The following NBEA variants were observed in gnomAD, a reference collection of about 807,000 sequenced individuals.
The protein encoded by NBEA is lysosomal-trafficking regulator 2.
In NBEA, 44 loss-of-function variants were observed where a neutral mutation model predicts 343.4. The ratio of observed to expected loss-of-function variants is 0.13; its 90% CI spans 0.10 to 0.16. The LOEUF is 0.16. Ranked by LOEUF, NBEA falls within the 10% of genes least tolerant of loss-of-function variation. The pLI is 1.00. For synonymous variants in NBEA, 1,175 were observed against 1,238.7 expected, an observed-to-expected ratio of 0.95 and a Z score of 1.08; for missense variants, 2,555 against 3,631.3, an observed-to-expected ratio of 0.70 and a Z score of 7.62.
intron 1 of NBEA, among the ~76,000 whole-genome samples, chr13:34,987,639 C>T (rs373682676): frequency 6.6e-6 from 1 of 150,916 alleles, no homozygotes; most frequent in African/African-American, 2.4e-5. Flanking sequence ...ACCAATCAAA[C>T]GTAGATTTGG....
intron 38 of NBEA, among the ~76,000 whole-genome samples, chr13:35,352,840 G>A (rs2040262638): frequency 6.6e-6 from 1 of 152,048 alleles, no homozygotes; most frequent in Admixed American, 6.6e-5. Context: ...TGATAATATA[G>A]TACAACTAAA....
intron 1 of NBEA, among the ~76,000 whole-genome samples, chr13:34,968,954 C>T (rs905071557): frequency 1.5e-5 from 2 of 135,024 alleles, no homozygotes; most frequent in Non-Finnish European, 3.3e-5. Context: ...TCAGTTAAGT[C>T]CTCTTTGTGC....
chr13:35,320,494 G>A (rs2038059879), intron 36 of NBEA, among the ~76,000 whole-genome samples: 1 of 152,174 alleles, frequency 6.6e-6, no homozygotes, highest in Non-Finnish European at 1.5e-5. Flanking sequence ...TCCCCTTGGG[G>A]TAACCTGACC....
intron 1 of NBEA, among the ~76,000 whole-genome samples, chr13:35,040,583 T>C (rs2062613339): frequency 6.6e-6 from 1 of 152,154 alleles, no homozygotes. Context: ...AATTTATCCT[T>C]AGTAAATTCT....
At position 34,995,931 on chromosome 13, in the gene NBEA, G is replaced by A. The variant is rs1432521774; in HGVS notation, c.295-45002G>A. Among the ~76,000 whole-genome samples, 3 of 152,224 alleles carry A rather than the reference G, an allele frequency of 2.0e-5. No individual in the cohort carries two copies. The East Asian group carries it at 5.8e-4, about 29-fold the overall frequency. On this transcript the variant is annotated intron_variant, in intron 1 of 58. Coordinates refer to ENST00000379939, the MANE Select transcript of NBEA (RefSeq NM_001385012.1). ...AGTCCTACCTGCTAATGGGACGTGAGCCTTTAGATATTCTGCTGGGCTTGA... is the reference window on the plus strand; with the variant it reads ...AGTCCTACCTGCTAATGGGACGTGAACCTTTAGATATTCTGCTGGGCTTGA...
chr13:34,971,368 A>C (rs891453036), intron 1 of NBEA, among the ~76,000 whole-genome samples: 5 of 151,626 alleles, frequency 3.3e-5, no homozygotes, highest in African/African-American at 1.2e-4. Flanking sequence ...CCCTTTATTT[A>C]TCTCTCTTGC....
chr13:35,487,600 A>G (rs1232818451), intron 41 of NBEA, among the ~76,000 whole-genome samples: 1 of 151,826 alleles, frequency 6.6e-6, no homozygotes, highest in Non-Finnish European at 1.5e-5. Flanking sequence ...TACCTCCATG[A>G]ATGAGAAACT....
At chr13:35,481,619 C>T (rs2076124668) in intron 41 of NBEA, among the ~76,000 whole-genome samples, 1 of 151,796 alleles carries the variant, frequency 6.6e-6, no homozygotes, top group Non-Finnish European at 1.5e-5. Flanking sequence ...TCTAATTTCT[C>T]ACAAACCCTT....
At chr13:35,199,403 G>C (rs2072860718) in intron 31 of NBEA, among the ~76,000 whole-genome samples, 1 of 152,002 alleles carries the variant, frequency 6.6e-6, no homozygotes, top group South Asian at 2.1e-4. Context: ...ATCTATCATG[G>C]GTCTTACTTT....
intron 38 of NBEA, among the ~76,000 whole-genome samples, chr13:35,369,221 G>GAA (rs1566037724): frequency 2.8e-5 from 4 of 141,726 alleles, no homozygotes; most frequent in African/African-American, 5.3e-5. Flanking sequence ...TCAGTTGGCT[G>GAA]TAAGTACATG....
intron 41 of NBEA, among the ~76,000 whole-genome samples, chr13:35,484,498 CCT>C (rs1321117045): frequency 6.6e-6 from 1 of 151,678 alleles, no homozygotes; most frequent in Admixed American, 6.6e-5. Context: ...ACAGTTTTCC[CCT>C]GTGTGCATCT....
At chr13:35,206,389 C>T (rs1416050976) in intron 31 of NBEA, among the ~76,000 whole-genome samples, 2 of 151,990 alleles carry the variant, frequency 1.3e-5, no homozygotes, top group African/African-American at 4.8e-5. Context: ...TTTGTGTCTG[C>T]TGTTCTAAAA....
chr13:35,434,878 C>T (rs1258476088), intron 39 of NBEA, among the ~76,000 whole-genome samples: 2 of 152,096 alleles, frequency 1.3e-5, no homozygotes, highest in South Asian at 2.1e-4. Context: ...TTACAAAGCA[C>T]TTAATCCAGT....
At chr13:35,363,958 A>G (rs2040959672) in intron 38 of NBEA, among the ~76,000 whole-genome samples, 2 of 151,890 alleles carry the variant, frequency 1.3e-5, no homozygotes, top group South Asian at 4.1e-4. Flanking sequence ...CCACTCTTGG[A>G]ACTGACAAAT....
At chr13:35,274,628 C>G (rs2034443518) in intron 34 of NBEA, among the ~76,000 whole-genome samples, 1 of 152,088 alleles carries the variant, frequency 6.6e-6, no homozygotes, top group Non-Finnish European at 1.5e-5. Flanking sequence ...TCATCTCAGC[C>G]CCAAATCTCC....
intron 1 of NBEA, among the ~76,000 whole-genome samples, chr13:35,013,816 A>G (rs2152535670): frequency 6.6e-6 from 1 of 152,226 alleles, no homozygotes. Context: ...TTTTGCTTTT[A>G]GTTTTTAATT....
intron 10 of NBEA, among the ~76,000 whole-genome samples, chr13:35,074,959 A>G (rs1373295751): frequency 1.3e-5 from 2 of 152,114 alleles, no homozygotes; most frequent in Non-Finnish European, 2.9e-5. Context: ...ACATCTCCCC[A>G]CTTCCAAGCC....
chr13:35,184,699 A>G (rs562349922), intron 30 of NBEA, among the ~76,000 whole-genome samples: 1 of 152,246 alleles, frequency 6.6e-6, no homozygotes, highest in East Asian at 1.9e-4. Flanking sequence ...GATGTTTTTC[A>G]ATGTAATGGA....
chr13:35,641,897 T>C (rs1018007097), intron 49 of NBEA, among the ~76,000 whole-genome samples: 1 of 152,160 alleles, frequency 6.6e-6, no homozygotes, highest in Non-Finnish European at 1.5e-5. Flanking sequence ...TACACTTTTA[T>C]CTTAAACCTT....
Sources: gnomAD v4.1 joint callset for allele counts (sites outside exome capture counted in the v4.1 genomes callset) on GRCh38, gnomAD v4.1.1 for gene constraint, MANE v1.5 for transcripts, NCBI Gene and HGNC (gene_info 2026-07-23, HGNC 2026-07-21) for gene names.